The following RUBCN variants were observed in gnomAD, a reference collection of about 807,000 sequenced individuals.
RUBCN encodes the protein rubicon autophagy regulator.
Under a neutral mutation model 113.2 loss-of-function variants are expected in RUBCN, and 74 were observed. That is an observed-to-expected ratio of 0.65 (90% CI 0.54 to 0.79). The LOEUF (loss-of-function observed/expected upper bound fraction) is 0.79, where lower values mean the gene tolerates loss of function less well. Ranked by LOEUF, RUBCN falls within the 30% of genes least tolerant of loss-of-function variation. The probability of loss-of-function intolerance (pLI) is 0.00; values close to 1 mark genes in which losing one functional copy is unlikely to be tolerated. For synonymous variants in RUBCN, 480 were observed against 490.0 expected (o/e 0.98, Z 0.27); for missense variants, 1,109 against 1,251.7 (o/e 0.89, Z 1.72).
At chr3:197,677,423 G>T in intron 17 of RUBCN, 57 bp downstream of exon 17, 1 of 1,415,988 alleles carries the variant, frequency 7.1e-7, no homozygotes, top group Non-Finnish European at 1.0e-6. Flanking sequence ...GCGCGGGGAT[G>T]TGTCCCTTTC....
chr3:197,734,472 A>C (rs919037766), intron 1 of RUBCN, among the ~76,000 whole-genome samples: 1 of 151,822 alleles, frequency 6.6e-6, no homozygotes, highest in Non-Finnish European at 1.5e-5. Flanking sequence ...CAGTTCTGCC[A>C]GGGATTCGCT....
chr3:197,691,134 A>T, intron 11 of RUBCN: 1 of 1,286,676 alleles, frequency 7.8e-7, no homozygotes, highest in Non-Finnish European at 1.0e-6. Flanking sequence ...GTCAGGTTAG[A>T]TCCTTCGCTA....
At chr3:197,736,521 A>C in intron 1 of RUBCN, 134 bp downstream of exon 1, 1 of 688,722 alleles carries the variant, frequency 1.5e-6, no homozygotes, top group South Asian at 1.5e-5. Context: ...ATGCTTCCCA[A>C]ACAAGTCCTC....
chr3:197,718,095 G>A lies in RUBCN; in HGVS notation c.101C>T (p.Thr34Met), dbSNP rs200206166. ...GGTTGATACCAAACCCTCCACCGTC[G>A]TCTTCAAATTACCCAGCAACTGCCA... ...EHWQLLGNLK[T>M]TVEGLVSTNS... is the part of the protein sequence containing the mutation. Residue 34 changes from threonine (T) to methionine (M), a missense_variant, in exon 2 of 20, where the codon ACG becomes ATG. This residue lies in a region of RUBCN where 736 missense variants were observed against 779.6 expected (regional missense o/e 0.94). Transcript: ENST00000296343. 111 of 1,614,022 alleles carry A rather than the reference G, an allele frequency of 6.9e-5. 1 individual carries two copies. The Middle Eastern group carries it at 1.2e-3, about 17-fold the overall frequency.
chr3:197,729,346 G>A (rs1053054408), intron 1 of RUBCN, among the ~76,000 whole-genome samples: 4 of 151,856 alleles, frequency 2.6e-5, no homozygotes, highest in South Asian at 2.1e-4. Flanking sequence ...TCTGCCTCCC[G>A]GGCTCACGCC....
chr3:197,674,853 A>G lies in RUBCN; in HGVS notation c.*165T>C. 17 of 600,434 alleles carry G rather than the reference A, an allele frequency of 2.8e-5. No individual in the cohort carries two copies. Among genetic ancestry groups the G allele is most frequent in the South Asian group, 1.2e-4 (5 of 40,280 alleles). The allele number at this position is 600,434 out of a possible 1,614,324, so 37.2% of individuals were successfully genotyped here. On this transcript the variant is annotated 3_prime_UTR_variant, in exon 20 of 20. Transcript: ENST00000296343. The stretch of plus-strand genomic sequence containing the variant: ...GGACCCATCAACCTGCCGACGGCTG[A>G]CTGCACACAGACGTCAGACAAGTCA...
chr3:197,733,860 G>A (rs1199064220), intron 1 of RUBCN, among the ~76,000 whole-genome samples: 1 of 152,196 alleles, frequency 6.6e-6, no homozygotes, highest in Non-Finnish European at 1.5e-5. Flanking sequence ...CTATCCTACT[G>A]GCCTGAATGA....
At chr3:197,690,329 T>G (rs1240437385) in intron 11 of RUBCN, among the ~76,000 whole-genome samples, 1 of 152,070 alleles carries the variant, frequency 6.6e-6, no homozygotes, top group African/African-American at 2.4e-5. Flanking sequence ...TCCCAGCTAC[T>G]TGGGAGGCTG....
At chr3:197,731,531 TGG>T in intron 1 of RUBCN, among the ~76,000 whole-genome samples, 1 of 152,164 alleles carries the variant, frequency 6.6e-6, no homozygotes. Context: ...GACGGGGTGG[TGG>T]CTGGGCAGAG....
intron 1 of RUBCN, among the ~76,000 whole-genome samples, chr3:197,742,257 C>T (rs1345107846): frequency 6.6e-6 from 1 of 152,086 alleles, no homozygotes; most frequent in Non-Finnish European, 1.5e-5. Context: ...CTTTAGGAGG[C>T]CGAGGTGGGC....
In RUBCN at chr3:197,704,494, G is replaced by C. The variant is rs1724057805; in HGVS notation, c.463+48C>G. ...AGAGGGGTAGAGGATAGTGAGGTGG[G>C]TGACAACGAGGAAGCACAGATGACA... On this transcript the variant is annotated intron_variant, in intron 4 of 19. Transcript: ENST00000296343. 3 of 1,574,430 alleles carry C rather than the reference G, an allele frequency of 1.9e-6. No homozygotes were observed. The African/African-American group carries it at 4.1e-5, about 21-fold the overall frequency.
Position 197,694,508 on chromosome 3 carries a change from G to A in RUBCN, c.1551C>T (p.Cys517=), listed in dbSNP as rs772370608. The part of the protein sequence containing the change: ...ELMKCNMMSQ[C]LEEEEVEEED... Reference sequence around the variant, plus strand: ...CCTCTTCCACTTCCTCCTCCTCTAGGCACTGGCTCATCATGTTGCACTTCA... The same window carrying A: ...CCTCTTCCACTTCCTCCTCCTCTAGACACTGGCTCATCATGTTGCACTTCA... Residue 517 remains cysteine (C), a synonymous_variant, in exon 10 of 20, where the codon TGC becomes TGT. Coordinates refer to ENST00000296343, the MANE Select transcript of RUBCN (RefSeq NM_014687.4). The A allele has an allele frequency of 1.9e-6, 3 of 1,613,992 alleles. No individual in the cohort carries two copies. Among genetic ancestry groups the A allele is most frequent in the East Asian group, 2.2e-5 (1 of 44,898 alleles).
rs114497708 is a variant in RUBCN, at chr3:197,683,271, A to G, written c.1980+36T>C. The G allele has an allele frequency of 6.4e-4, 1,035 of 1,614,030 alleles. 6 individuals carry two copies. The African/African-American group carries it at 0.012, about 19-fold the overall frequency. ...GAAAACAAGGTCACAGAGGCTCACG[A>G]TGGCCCCTGGGTAGGAAGAAGAGCT... On this transcript the variant is annotated intron_variant, in intron 13 of 19. Transcript: ENST00000296343. The surrounding 1 kb of genome is among the most constrained non-coding windows in gnomAD (Gnocchi z 4.6).
intron 3 of RUBCN, 110 bp from the exon 4 acceptor site, chr3:197,704,811 A>G: frequency 8.2e-7 from 1 of 1,226,348 alleles, no homozygotes; most frequent in Admixed American, 1.9e-5. Flanking sequence ...ATGCTTTGAA[A>G]GGCTTCACCC....
At chr3:197,721,993 CT>C (rs898293731) in intron 1 of RUBCN, among the ~76,000 whole-genome samples, 2 of 152,098 alleles carry the variant, frequency 1.3e-5, no homozygotes, top group African/African-American at 4.8e-5. Context: ...AATCCCAGCA[CT>C]TTGGGAGTCC....
intron 2 of RUBCN, among the ~76,000 whole-genome samples, chr3:197,717,662 T>C (rs1297822917): frequency 6.6e-6 from 1 of 152,184 alleles, no homozygotes; most frequent in Non-Finnish European, 1.5e-5. Context: ...TCTCAAGAAC[T>C]GTAAGATGAT....
intron 1 of RUBCN, among the ~76,000 whole-genome samples, chr3:197,722,872 G>A (rs1435203702): frequency 2.0e-5 from 3 of 152,128 alleles, no homozygotes. Context: ...ATTCTTGGAA[G>A]CAGCATACGG....
At chr3:197,723,871 G>A (rs1726439760) in intron 1 of RUBCN, among the ~76,000 whole-genome samples, 1 of 151,938 alleles carries the variant, frequency 6.6e-6, no homozygotes, top group South Asian at 2.1e-4. Flanking sequence ...GAGGCAGGCA[G>A]ATCACCTGAG....
intron 7 of RUBCN, chr3:197,699,111 G>T: frequency 1.9e-6 from 2 of 1,035,384 alleles, no homozygotes; most frequent in Non-Finnish European, 3.0e-6. Context: ...TTTGACACCA[G>T]ACTGAAGGAG....
Sources: allele counts gnomAD v4.1 joint callset (sites outside exome capture counted in the v4.1 genomes callset), GRCh38; gene constraint gnomAD v4.1.1; regional missense constraint gnomAD v4.1.1; non-coding constraint Gnocchi (gnomAD v3.1); transcripts MANE v1.5; gene names NCBI Gene and HGNC (gene_info 2026-07-23, HGNC 2026-07-21).